CHSY3: variants seen among roughly 807,000 people sequenced by gnomAD.
CHSY3 encodes the protein chondroitin sulfate synthase 3.
In CHSY3, 35 loss-of-function variants were observed where a neutral mutation model predicts 67.2. The observed-to-expected ratio is 0.52, with a 90% CI of 0.40 to 0.69. The LOEUF is 0.69. CHSY3 is among the 30% of genes least tolerant of loss of function. CHSY3 has a pLI of 0.00. For synonymous variants in CHSY3, 474 were observed against 434.7 expected, an observed-to-expected ratio of 1.09 and a Z score of -1.12; for missense variants, 1,069 against 1,138.5, an observed-to-expected ratio of 0.94 and a Z score of 0.88.
chr5:130,008,087 C>A (rs971852071), intron 2 of CHSY3, among the ~76,000 whole-genome samples: 1 of 152,336 alleles, frequency 6.6e-6, no homozygotes, highest in Admixed American at 6.5e-5. Context: ...AGTTTGCCAG[C>A]ATTTGCAGAC....
intron 2 of CHSY3, among the ~76,000 whole-genome samples, chr5:130,071,537 TTGTGTG>T (rs3065054): frequency 0.016 from 2,330 of 141,870 alleles, 45 homozygotes; most frequent in African/African-American, 0.052. Context: ...TAGTAGTTCA[TTGTGTG>T]TGTGTGTGTG....
chr5:130,059,076 T>C (rs934367180), intron 2 of CHSY3, among the ~76,000 whole-genome samples: 3 of 152,198 alleles, frequency 2.0e-5, no homozygotes, highest in Admixed American at 1.3e-4. Context: ...ACCTTAAAGA[T>C]GTGATTAATA....
intron 2 of CHSY3, among the ~76,000 whole-genome samples, chr5:130,070,749 G>A (rs1234539445): frequency 2.0e-5 from 3 of 151,940 alleles, no homozygotes; most frequent in Non-Finnish European, 2.9e-5. Context: ...CAGATATTCA[G>A]TACTGTTGAA....
chr5:129,941,257 G>A (rs1761689837), intron 2 of CHSY3, among the ~76,000 whole-genome samples: 1 of 152,060 alleles, frequency 6.6e-6, no homozygotes, highest in Admixed American at 6.6e-5. Context: ...TTCAATTTAT[G>A]GTGGATTTAT....
intron 2 of CHSY3, among the ~76,000 whole-genome samples, chr5:130,010,591 G>C (rs1026316355): frequency 5.3e-5 from 8 of 152,042 alleles, no homozygotes; most frequent in Admixed American, 5.2e-4. Flanking sequence ...AGAAACAAGA[G>C]CAAACAAAGC....
At chr5:130,086,408 T>C (rs1337298335) in intron 2 of CHSY3, among the ~76,000 whole-genome samples, 1 of 152,022 alleles carries the variant, frequency 6.6e-6, no homozygotes, top group Non-Finnish European at 1.5e-5. Context: ...TTAAAGTCTG[T>C]TTTATCAGAG....
At chr5:129,928,765 T>C (rs1440238616) in intron 2 of CHSY3, among the ~76,000 whole-genome samples, 3 of 152,180 alleles carry the variant, frequency 2.0e-5, no homozygotes, top group African/African-American at 7.2e-5. Flanking sequence ...AAAATTGATT[T>C]ATATTGATAT....
At chr5:129,908,762 G>A (rs1365864066) in intron 2 of CHSY3, among the ~76,000 whole-genome samples, 3 of 151,866 alleles carry the variant, frequency 2.0e-5, no homozygotes, top group Non-Finnish European at 2.9e-5. Flanking sequence ...TTTTATTTTG[G>A]TTAGGTGTGT....
At chr5:130,033,586 A>G (rs1208432489) in intron 2 of CHSY3, among the ~76,000 whole-genome samples, 1 of 152,176 alleles carries the variant, frequency 6.6e-6, no homozygotes, top group African/African-American at 2.4e-5. Context: ...ACTCCCAGGA[A>G]CTGTATTTAC....
At chr5:130,027,568 C>A (rs1340093598) in intron 2 of CHSY3, among the ~76,000 whole-genome samples, 1 of 151,848 alleles carries the variant, frequency 6.6e-6, no homozygotes, top group African/African-American at 2.4e-5. Context: ...GTGTGCTGCA[C>A]CCATTAACTC....
intron 2 of CHSY3, among the ~76,000 whole-genome samples, chr5:129,946,440 C>T (rs1024145149): frequency 6.6e-6 from 1 of 151,978 alleles, no homozygotes; most frequent in Non-Finnish European, 1.5e-5. Context: ...TAAATTTAAG[C>T]GACTGTTTTG....
chr5:130,185,040 T>C lies in CHSY3; in HGVS notation c.1898T>C (p.Ile633Thr), dbSNP rs1217134493. ...ILVPLIGRYD[I>T]FLRFMENFEN... is the part of the protein sequence containing the mutation. ...GTTCCTCTCATCGGAAGGTATGACA[T>C]TTTCTTGAGATTCATGGAGAACTTT... The change falls in exon 3 of 3, where the codon ATT becomes ACT. Residue 633 changes from isoleucine to threonine, a missense_variant. Transcript: ENST00000305031. 3 of 1,596,858 alleles carry C rather than the reference T, an allele frequency of 1.9e-6. No homozygotes were observed. The highest frequency in any genetic ancestry group is 2.6e-6 in the Non-Finnish European group (3 of 1,164,360).
At chr5:129,935,567 A>G (rs931546963) in intron 2 of CHSY3, among the ~76,000 whole-genome samples, 1 of 152,192 alleles carries the variant, frequency 6.6e-6, no homozygotes, top group South Asian at 2.1e-4. Context: ...ATAGTTGCAT[A>G]AGGGGAGTTA....
chr5:130,158,371 G>C (rs1308486241), intron 2 of CHSY3, among the ~76,000 whole-genome samples: 1 of 152,196 alleles, frequency 6.6e-6, no homozygotes, highest in Non-Finnish European at 1.5e-5. Flanking sequence ...GCACTGCTCT[G>C]AATGAAGAAC....
intron 2 of CHSY3, among the ~76,000 whole-genome samples, chr5:130,114,011 C>T (rs557499740): frequency 1.3e-5 from 2 of 152,226 alleles, no homozygotes; most frequent in Non-Finnish European, 2.9e-5. Flanking sequence ...CATTTTGAGA[C>T]TCAATTTTTA....
intron 2 of CHSY3, among the ~76,000 whole-genome samples, chr5:130,171,158 T>C (rs566444100): frequency 3.8e-4 from 58 of 152,274 alleles, no homozygotes; most frequent in African/African-American, 1.3e-3. Flanking sequence ...TACCAAATTT[T>C]TAAAAAGTAT....
chr5:130,137,123 C>T (rs1004111094), intron 2 of CHSY3, among the ~76,000 whole-genome samples: 2 of 152,082 alleles, frequency 1.3e-5, no homozygotes, highest in African/African-American at 4.8e-5. Context: ...ATATTGTCTT[C>T]TACTATTTAA....
chr5:130,016,668 C>G (rs1228310429), intron 2 of CHSY3, among the ~76,000 whole-genome samples: 1 of 152,156 alleles, frequency 6.6e-6, no homozygotes, highest in East Asian at 1.9e-4. Flanking sequence ...CTTGGCCTCC[C>G]GAAGTGCTGG....
At chr5:129,909,876 T>C (rs1330600509) in intron 2 of CHSY3, among the ~76,000 whole-genome samples, 2 of 151,934 alleles carry the variant, frequency 1.3e-5, no homozygotes, top group Non-Finnish European at 2.9e-5. Flanking sequence ...TAGTTAACAA[T>C]ATAGATGGGA....
Sources: gnomAD v4.1 joint callset for allele counts (sites outside exome capture counted in the v4.1 genomes callset) on GRCh38, gnomAD v4.1.1 for gene constraint, MANE v1.5 for transcripts, NCBI Gene and HGNC (gene_info 2026-07-23, HGNC 2026-07-21) for gene names.